TRIP4: variants seen among roughly 807,000 people sequenced by gnomAD.
The protein encoded by TRIP4 is activating signal cointegrator 1.
A neutral mutation model predicts 81.8 loss-of-function variants in TRIP4; 54 were observed. The observed-to-expected ratio is 0.66, with a 90% CI of 0.53 to 0.83. The LOEUF (loss-of-function observed/expected upper bound fraction) is 0.83, where lower values mean the gene tolerates loss of function less well. TRIP4 is among the 40% of genes least tolerant of loss of function. The pLI is 0.00. For synonymous variants in TRIP4, 270 were observed against 242.8 expected (o/e 1.11, Z -1.04); for missense variants, 662 against 683.6 (o/e 0.97, Z 0.35).
At chr15:64,449,731 A>C (rs1892712060) in intron 12 of TRIP4, among the ~76,000 whole-genome samples, 1 of 152,202 alleles carries the variant, frequency 6.6e-6, no homozygotes, top group Non-Finnish European at 1.5e-5. Context: ...GCAATATACA[A>C]TAGGGTATCA....
chr15:64,398,675 C>T lies in TRIP4; in HGVS notation c.618+857C>T, dbSNP rs181779224. Among the ~76,000 whole-genome samples the T allele has an allele frequency of 1.5e-4, 23 of 152,140 alleles. No individual in the cohort carries two copies. The East Asian group carries it at 3.3e-3, about 22-fold the overall frequency. ...TGTTGAGAGATCCAAGGGCTAGGAG[C>T]CACTGTGACAGAATCCTCAGATCAT... On this transcript the variant is annotated intron_variant, in intron 4 of 12. Coordinates refer to ENST00000261884, the MANE Select transcript of TRIP4 (RefSeq NM_016213.5).
chr15:64,402,007 G>A (rs906982063), intron 5 of TRIP4, among the ~76,000 whole-genome samples: 1 of 152,086 alleles, frequency 6.6e-6, no homozygotes, highest in African/African-American at 2.4e-5. Context: ...ATAGAAAAAT[G>A]ACATTAATGG....
At chr15:64,432,550 C>T (rs922054221) in intron 11 of TRIP4, among the ~76,000 whole-genome samples, 4 of 150,882 alleles carry the variant, frequency 2.7e-5, no homozygotes, top group Non-Finnish European at 5.9e-5. Flanking sequence ...GCAGAGGTTA[C>T]GGTGAGCCGA....
In TRIP4 at chr15:64,429,684, A is replaced by T. The variant is rs75673748; in HGVS notation, c.1575+4053A>T. On this transcript the variant is annotated intron_variant, in intron 11 of 12. Transcript: ENST00000261884. ...ACTGGTATCATGGTATTTACAGTTTAGGAGTGTTAGTCTAAGTATGCTTGA... is the reference window on the plus strand; with the variant it reads ...ACTGGTATCATGGTATTTACAGTTTTGGAGTGTTAGTCTAAGTATGCTTGA... Among the ~76,000 whole-genome samples, 16 of 152,312 alleles carry T rather than the reference A, an allele frequency of 1.1e-4. No homozygotes were observed. The East Asian group carries it at 3.1e-3, about 29-fold the overall frequency.
In TRIP4 at chr15:64,397,684, G is replaced by T. The variant is rs201199390; in HGVS notation, c.484G>T (p.Ala162Ser). The change falls in exon 4 of 13, where the codon GCA becomes TCA. Residue 162 changes from alanine to serine, a missense_variant. Physicochemically the swap from Ala to Ser is moderately conservative, Grantham distance 99. Transcript: ENST00000261884. ...CACAAGAGAGGGACAGGACAGGCTT[G>T]CAGTCCTGCTCCCTGGTCGTCACCC... ...LYTREGQDRL[A>S]VLLPGRHPCD... 1.1e-4 allele frequency: 174 copies of T among 1,614,200 alleles called. No homozygotes were observed. In the East Asian group the frequency reaches 3.2e-3, roughly 30 times the overall value.
chr15:64,408,195 C>G (rs1224855502), intron 6 of TRIP4, among the ~76,000 whole-genome samples: 1 of 149,336 alleles, frequency 6.7e-6, no homozygotes, highest in Non-Finnish European at 1.5e-5. Flanking sequence ...GCCTCGGCCT[C>G]CCAAAGTGCT....
At chr15:64,408,450 G>A (rs1023328654) in intron 6 of TRIP4, among the ~76,000 whole-genome samples, 2 of 150,292 alleles carry the variant, frequency 1.3e-5, no homozygotes, top group Non-Finnish European at 1.5e-5. Flanking sequence ...TAGTAGAGAC[G>A]GGGTTTCACC....
intron 1 of TRIP4, among the ~76,000 whole-genome samples, chr15:64,392,675 G>T (rs1483355804): frequency 6.6e-6 from 1 of 152,002 alleles, no homozygotes; most frequent in African/African-American, 2.4e-5. Flanking sequence ...GGAATGTAGT[G>T]GTGCAATCAT....
At chr15:64,407,528 G>A (rs754800829) in intron 6 of TRIP4, among the ~76,000 whole-genome samples, 4 of 152,034 alleles carry the variant, frequency 2.6e-5, no homozygotes, top group South Asian at 2.1e-4. Flanking sequence ...TTAGCCAAGC[G>A]TGGTGGCAGG....
In TRIP4 at chr15:64,452,040, A is replaced by G. The variant is rs1892778991; in HGVS notation, c.1679-2957A>G. Among the ~76,000 whole-genome samples, 4 of 151,956 alleles carry G rather than the reference A, an allele frequency of 2.6e-5. No individual in the cohort carries two copies. In the South Asian group the frequency reaches 6.2e-4, roughly 24 times the overall value. Reference sequence around the variant, plus strand: ...ATGGCATGAGATCTTGGCTCACTGCAACCTCCACCTCCTGGGCTCATGCCA... The same window carrying G: ...ATGGCATGAGATCTTGGCTCACTGCGACCTCCACCTCCTGGGCTCATGCCA... On this transcript the variant is annotated intron_variant, in intron 12 of 12. Coordinates refer to ENST00000261884, the MANE Select transcript of TRIP4 (RefSeq NM_016213.5).
At position 64,409,842 on chromosome 15, in the gene TRIP4, A is replaced by G. The variant is rs1229791148; in HGVS notation, c.1043+14A>G. The G allele has an allele frequency of 3.1e-6, 5 of 1,608,694 alleles. No individual in the cohort carries two copies. In the African/African-American group the frequency reaches 4.0e-5, roughly 13 times the overall value. On this transcript the variant is annotated intron_variant, in intron 7 of 12. Transcript: ENST00000261884. ...GTATCATAGCAGGTAAGTGAGCAGC[A>G]CTAGAAAGGGTCTCAAAGAAGGAAC...
In TRIP4 at chr15:64,436,708, C is replaced by CTTT. The variant is rs35087782; in HGVS notation, c.1576-8283_1576-8281dup. ...TACTGTGTTCATACTTCTATTACTGCTTTTTTTTTTTTTTTTTAATATTGA... is the reference window on the plus strand; with the variant it reads ...TACTGTGTTCATACTTCTATTACTGCTTTTTTTTTTTTTTTTTTTTAATATTGA... On this transcript the variant is annotated intron_variant, in intron 11 of 12. Coordinates refer to ENST00000261884, the MANE Select transcript of TRIP4 (RefSeq NM_016213.5). 4.7e-5 allele frequency among the ~76,000 whole-genome samples: 4 copies of CTTT among 85,468 alleles called. No individual in the cohort carries two copies. In the East Asian group the frequency reaches 1.4e-3, roughly 29 times the overall value. The allele number at this position is 85,468 out of a possible 152,430, so 56.1% of individuals were successfully genotyped here. A position where few individuals can be genotyped will look rare whatever the true frequency, so the allele number is the denominator to read the frequency against.
intron 12 of TRIP4, among the ~76,000 whole-genome samples, chr15:64,451,138 G>T (rs556259070): frequency 1.3e-4 from 20 of 151,750 alleles, no homozygotes; most frequent in Non-Finnish European, 2.1e-4. Flanking sequence ...TTTGAGATGG[G>T]GTCTTGCTCT....
intron 1 of TRIP4, 150 bp from the exon 2 acceptor site, chr15:64,393,796 C>T (rs550505318): frequency 4.7e-5 from 29 of 611,874 alleles, no homozygotes; most frequent in African/African-American, 5.7e-5. Flanking sequence ...AGGATCGTAT[C>T]GTATTTCTAG....
chr15:64,432,735 C>T (rs1892305160), intron 11 of TRIP4, among the ~76,000 whole-genome samples: 1 of 151,782 alleles, frequency 6.6e-6, no homozygotes, highest in African/African-American at 2.4e-5. Flanking sequence ...CATGGTGAAA[C>T]CCCTTCTCTA....
chr15:64,448,913 A>G (rs1226932366), intron 12 of TRIP4, among the ~76,000 whole-genome samples: 1 of 152,146 alleles, frequency 6.6e-6, no homozygotes, highest in Non-Finnish European at 1.5e-5. Flanking sequence ...TTTAATAGCA[A>G]TAATATTAAT....
intron 11 of TRIP4, among the ~76,000 whole-genome samples, chr15:64,433,991 C>G (rs1341608941): frequency 6.6e-6 from 1 of 151,876 alleles, no homozygotes; most frequent in Non-Finnish European, 1.5e-5. Context: ...TCCAGCGTGG[C>G]CCAGAGAAGC....
intron 11 of TRIP4, among the ~76,000 whole-genome samples, chr15:64,427,956 C>CT (rs1021748436): frequency 4.0e-5 from 6 of 150,958 alleles, no homozygotes; most frequent in South Asian, 4.2e-4. Flanking sequence ...CCTCCCCCCT[C>CT]TTTTTTTTTC....
chr15:64,421,764 C>T (rs1479057078), intron 9 of TRIP4, among the ~76,000 whole-genome samples: 1 of 152,128 alleles, frequency 6.6e-6, no homozygotes, highest in Admixed American at 6.6e-5. Flanking sequence ...TAAGAGGCTG[C>T]CGGGCACGGT....
Sources: gnomAD v4.1 joint callset for allele counts (sites outside exome capture counted in the v4.1 genomes callset) on GRCh38, gnomAD v4.1.1 for gene constraint, MANE v1.5 for transcripts, NCBI Gene and HGNC (gene_info 2026-07-23, HGNC 2026-07-21) for gene names.